Variants in KDM2B observed in about 807,000 individuals in gnomAD.
KDM2B encodes lysine-specific demethylase 2B.
Under a neutral mutation model 150.0 loss-of-function variants are expected in KDM2B, and 26 were observed. The ratio of observed to expected loss-of-function variants is 0.17; its 90% CI spans 0.13 to 0.24. The LOEUF is 0.24. Among genes scored for constraint, KDM2B ranks in the 10% least tolerant of loss-of-function variants. The pLI, the probability that KDM2B is intolerant of heterozygous loss-of-function variation, is 1.00. For missense variants in KDM2B, 1,265 were observed against 1,816.9 expected (o/e 0.70, Z 5.52); for synonymous variants, 734 against 729.5 (o/e 1.01, Z -0.10).
rs782805318 is a variant in KDM2B at position 121,444,336 on chromosome 12, T to A, written c.2191-64A>T. ...ATACCTTTGGACTTGCCCTTCCTCC[T>A]CCCCAGGCCGACGGCAACCCACCTG... On this transcript the variant is annotated intron_variant, in intron 15 of 22. Transcript: ENST00000377071. 3 of 1,607,488 alleles carry A rather than the reference T, an allele frequency of 1.9e-6. No homozygotes were observed. In the African/African-American group the frequency reaches 4.0e-5, roughly 22 times the overall value.
chr12:121,531,814 T>A (rs1887680286), intron 8 of KDM2B, among the ~76,000 whole-genome samples: 1 of 152,150 alleles, frequency 6.6e-6, no homozygotes, highest in Non-Finnish European at 1.5e-5. Context: ...TCCTACAGGC[T>A]AGGTGCGGTG....
intron 13 of KDM2B, among the ~76,000 whole-genome samples, chr12:121,446,536 C>T (rs1876327056): frequency 6.6e-6 from 1 of 152,244 alleles, no homozygotes; most frequent in African/African-American, 2.4e-5. Flanking sequence ...CCTCGGCACA[C>T]AGGTGACGCG....
Position 121,513,155 on chromosome 12 carries a change from T to C in KDM2B, c.1174+121A>G. 26 of 1,135,816 alleles carry C rather than the reference T, an allele frequency of 2.3e-5. 1 individual carries two copies. In the South Asian group the frequency reaches 3.8e-4, roughly 16 times the overall value. The allele number at this position is 1,135,816 out of a possible 1,614,324, so 70.4% of individuals were successfully genotyped here. On this transcript the variant is annotated intron_variant, in intron 10 of 22. Coordinates refer to ENST00000377071, the MANE Select transcript of KDM2B (RefSeq NM_032590.5). The surrounding 1 kb of genome is among the most constrained non-coding windows in gnomAD (Gnocchi z 5.0). Reference sequence around the variant, plus strand: ...TTCCCCTGAGGGGTTCCTAGGATTCTGCCCAATACACTGATTCAACGAATC... The same window carrying C: ...TTCCCCTGAGGGGTTCCTAGGATTCCGCCCAATACACTGATTCAACGAATC...
intron 6 of KDM2B, among the ~76,000 whole-genome samples, chr12:121,542,880 G>T (rs1344954219): frequency 6.6e-6 from 1 of 152,058 alleles, no homozygotes; most frequent in Non-Finnish European, 1.5e-5. Context: ...CACGAGAATG[G>T]GGACTTGGCT....
chr12:121,423,885 A>AAGTG, the KDM2B span: 2 of 289,890 alleles, frequency 6.9e-6, no homozygotes, highest in Non-Finnish European at 1.3e-5. The surrounding 1 kb of genome is among the most constrained non-coding windows in gnomAD (Gnocchi z 4.3). Flanking sequence ...GAGGACACTT[A>AAGTG]TCCTGTTCTC....
At chr12:121,479,909 A>T (rs548623500) in intron 12 of KDM2B, among the ~76,000 whole-genome samples, 1 of 152,144 alleles carries the variant, frequency 6.6e-6, no homozygotes, top group Non-Finnish European at 1.5e-5. Context: ...GGTGTGAGCC[A>T]CCATGCCCAG....
intron 21 of KDM2B, chr12:121,440,414 G>T: frequency 2.4e-6 from 1 of 416,304 alleles, no homozygotes; most frequent in Non-Finnish European, 4.4e-6. Flanking sequence ...CCCAGTCCAG[G>T]GGGAGGTGCC....
At position 121,485,301 on chromosome 12, in the gene KDM2B, T is replaced by C. The variant is rs189280935; in HGVS notation, c.1734+9278A>G. Among the ~76,000 whole-genome samples, 7 of 152,030 alleles carry C rather than the reference T, an allele frequency of 4.6e-5. No individual in the cohort carries two copies. The East Asian group carries it at 1.4e-3, about 29-fold the overall frequency. On this transcript the variant is annotated intron_variant, in intron 12 of 22. Transcript: ENST00000377071. The stretch of plus-strand genomic sequence containing the variant: ...CCTGGTGGCAAATGGGTGACACCAG[T>C]TTGAGGATGTTGAAAATCATTCTGT...
chr12:121,571,540 C>T lies in KDM2B; in HGVS notation c.397+3007G>A, dbSNP rs956231486. Reference sequence around the variant, plus strand: ...AGGTCAGGACCTCAAGTGATCTGCCCGCCTCAACTTCCCAAAGCGCTGGGA... The same window carrying T: ...AGGTCAGGACCTCAAGTGATCTGCCTGCCTCAACTTCCCAAAGCGCTGGGA... On this transcript the variant is annotated intron_variant, in intron 4 of 22. Coordinates refer to ENST00000377071, the MANE Select transcript of KDM2B (RefSeq NM_032590.5). Among the ~76,000 whole-genome samples, 7 of 151,882 alleles carry T rather than the reference C, an allele frequency of 4.6e-5. No homozygotes were observed. In the East Asian group the frequency reaches 7.7e-4, roughly 17 times the overall value.
At chr12:121,454,817 G>A (rs1332649290) in intron 12 of KDM2B, among the ~76,000 whole-genome samples, 1 of 152,018 alleles carries the variant, frequency 6.6e-6, no homozygotes, top group Non-Finnish European at 1.5e-5. Context: ...CCATACTTTT[G>A]GGAGCACACA....
Position 121,574,830 on chromosome 12 carries a change from CA to C in KDM2B, c.351-238del, listed in dbSNP as rs782613841. Among the ~76,000 whole-genome samples, 4 of 152,328 alleles carry C rather than the reference CA, an allele frequency of 2.6e-5. No homozygotes were observed. In the South Asian group the frequency reaches 8.3e-4, roughly 32 times the overall value. On this transcript the variant is annotated intron_variant, in intron 3 of 22. Transcript: ENST00000377071. The stretch of plus-strand genomic sequence containing the variant: ...GAGGCAACTCAAACCTGAACCTCAG[CA>C]GAGGGTAGGACATCCACTGTCCACC...
rs28620034 is a variant in KDM2B at position 121,518,630 on chromosome 12, C to G, written c.1047+2355G>C. Among the ~76,000 whole-genome samples the G allele has an allele frequency of 0.21, 32,096 of 152,122 alleles. 5,797 individuals carry two copies. The highest frequency in any genetic ancestry group is 0.49 in the African/African-American group (20,489 of 41,454). Reference sequence around the variant, plus strand: ...CAGTCGTCATGGGTGGGGGAAGGGACCTGGGCTCCTAAGGGAACCATGGGG... The same window carrying G: ...CAGTCGTCATGGGTGGGGGAAGGGAGCTGGGCTCCTAAGGGAACCATGGGG... On this transcript the variant is annotated intron_variant, in intron 9 of 22. Coordinates refer to ENST00000377071, the MANE Select transcript of KDM2B (RefSeq NM_032590.5). The surrounding 1 kb of genome is among the most constrained non-coding windows in gnomAD (Gnocchi z 4.4).
At chr12:121,424,314 A>T (rs1872402737), downstream of KDM2B, 1 of 152,674 alleles carries the variant, frequency 6.5e-6, no homozygotes. Context: ...CCGCTAGCTG[A>T]TTTTAACTTT....
chr12:121,498,773 C>T (rs538814422), intron 11 of KDM2B, among the ~76,000 whole-genome samples: 221 of 152,194 alleles, frequency 1.5e-3, no homozygotes, highest in African/African-American at 5.1e-3. Flanking sequence ...TACTGCAGTT[C>T]TAAGTACTAG....
intron 12 of KDM2B, among the ~76,000 whole-genome samples, chr12:121,477,343 T>C (rs1234976839): frequency 2.0e-5 from 3 of 152,118 alleles, no homozygotes; most frequent in Admixed American, 1.3e-4. Flanking sequence ...TGAGCTACCA[T>C]ACCTGGCCTG....
At chr12:121,576,872 C>T (rs1199453335) in intron 2 of KDM2B, among the ~76,000 whole-genome samples, 5 of 152,208 alleles carry the variant, frequency 3.3e-5, no homozygotes, top group African/African-American at 2.4e-5. Context: ...AAACAGTTCA[C>T]AGGGCAGCCT....
At chr12:121,572,689 G>A (rs1322175975) in intron 4 of KDM2B, among the ~76,000 whole-genome samples, 4 of 152,074 alleles carry the variant, frequency 2.6e-5, no homozygotes, top group Non-Finnish European at 4.4e-5. Context: ...GATAGGTCTC[G>A]CTCTGTTGCC....
chr12:121,548,827 A>T, intron 6 of KDM2B, 50 bp downstream of exon 6: 1 of 1,462,898 alleles, frequency 6.8e-7, no homozygotes, highest in Non-Finnish European at 9.6e-7. Context: ...CACCTCCCCA[A>T]GCCTGGGGGT....
intron 4 of KDM2B, among the ~76,000 whole-genome samples, chr12:121,556,948 A>G (rs1207112440): frequency 2.0e-5 from 3 of 152,126 alleles, no homozygotes; most frequent in Admixed American, 6.6e-5. Context: ...TTAAAAAGAA[A>G]AAAAGGTTGT....
Sources: gnomAD v4.1 joint callset for allele counts (sites outside exome capture counted in the v4.1 genomes callset) on GRCh38, gnomAD v4.1.1 for gene constraint, Gnocchi (gnomAD v3.1) non-coding constraint, MANE v1.5 for transcripts, NCBI Gene and HGNC (gene_info 2026-07-23, HGNC 2026-07-21) for gene names.